MED17: variants seen among roughly 807,000 people sequenced by gnomAD.
MED17 encodes the protein mediator of RNA polymerase II transcription subunit 17.
MED17 carries 49 observed loss-of-function variants against 80.8 expected under a neutral mutation model. The observed-to-expected ratio is 0.61, with a 90% confidence interval of 0.48 to 0.77. The LOEUF is 0.77. Ranked by LOEUF, MED17 falls within the 30% of genes least tolerant of loss-of-function variation. The pLI is 0.00. For missense variants in MED17, 718 were observed against 787.0 expected (o/e 0.91, Z 1.05); for synonymous variants, 281 against 280.4 (o/e 1.00, Z -0.02).
At chr11:93,797,297 G>T (rs1286234459) in intron 7 of MED17, 1 of 499,934 alleles carries the variant, frequency 2.0e-6, no homozygotes, top group South Asian at 2.3e-5. Context: ...GGATGTCGGC[G>T]CATTACCCAT....
Position 93,784,567 on chromosome 11 carries a change from G to T in MED17, c.54G>T (p.Gln18His), listed in dbSNP as rs1320047535. The T allele has an allele frequency of 2.5e-6, 4 of 1,612,378 alleles. No individual in the cohort carries two copies. Among genetic ancestry groups the T allele is most frequent in the Non-Finnish European group, 3.4e-6 (4 of 1,179,850 alleles). The change falls in exon 1 of 12, where the codon CAG becomes CAT. Residue 18 changes from glutamine (Q) to histidine (H), a missense_variant. By Grantham distance (24) the Gln-to-His change is conservative (BLOSUM62 0). Coordinates refer to ENST00000251871, the MANE Select transcript of MED17 (RefSeq NM_004268.5). ...GCATCGAATCGGCCTGCGAGAAGCAGGTCCATGAGGTGGGCCTGGATGGCA... is the reference window on the plus strand; with the variant it reads ...GCATCGAATCGGCCTGCGAGAAGCATGTCCATGAGGTGGGCCTGGATGGCA... ...RISIESACEK[Q>H]VHEVGLDGTE...
chr11:93,796,004 A>G (rs1046774804), intron 6 of MED17: 8 of 207,446 alleles, frequency 3.9e-5, no homozygotes, highest in South Asian at 7.9e-5. Context: ...CTGGAGTGCA[A>G]TGGCGTGATC....
intron 9 of MED17, among the ~76,000 whole-genome samples, chr11:93,802,298 C>G (rs1019828692): frequency 6.6e-6 from 1 of 152,078 alleles, no homozygotes; most frequent in Non-Finnish European, 1.5e-5. Context: ...AGAAACATGT[C>G]TATGTTGCCC....
intron 9 of MED17, among the ~76,000 whole-genome samples, chr11:93,803,999 G>GTATATATA (rs1166820708): frequency 0.022 from 595 of 26,600 alleles, 4 homozygotes; most frequent in Middle Eastern, 0.037. Context: ...ATATGTGTGT[G>GTATATATA]TATATATATA....
At position 93,812,597 on chromosome 11, in the gene MED17, C is replaced by G. The variant is rs1591393118; in HGVS notation, c.*533C>G. On this transcript the variant is annotated 3_prime_UTR_variant, in exon 12 of 12. Transcript: ENST00000251871. Reference sequence around the variant, plus strand: ...GGGACCACAGGCATGCACAACCACGCCTGGCTAATTTTTGTATTTTTTATA... The same window carrying G: ...GGGACCACAGGCATGCACAACCACGGCTGGCTAATTTTTGTATTTTTTATA... 6.2e-6 allele frequency: 1 copy of G among 160,040 alleles called. No individual in the cohort carries two copies. Among genetic ancestry groups the G allele is most frequent in the Non-Finnish European group, 1.4e-5 (1 of 73,488 alleles). 9.9% of individuals were successfully genotyped at this position (160,040 alleles called of 1,614,324 possible).
rs934921370 is a variant in MED17 at position 93,784,316 on chromosome 11, T to A, written c.-198T>A. On this transcript the variant is annotated 5_prime_UTR_variant, in exon 1 of 12. In the 5' UTR this introduces an upstream ATG that the reference lacks. Coordinates refer to ENST00000251871, the MANE Select transcript of MED17 (RefSeq NM_004268.5). Reference sequence around the variant, plus strand: ...CCGAAAGACTTACCGAGGAGGGAGCTTGCGGTGCGTTCTGGGAAAGTTGCT... The same window carrying A: ...CCGAAAGACTTACCGAGGAGGGAGCATGCGGTGCGTTCTGGGAAAGTTGCT... 1 of 687,668 alleles carries A rather than the reference T, an allele frequency of 1.5e-6. No homozygotes were observed. Among genetic ancestry groups the A allele is most frequent in the Admixed American group, 3.2e-5 (1 of 31,620 alleles). The allele number at this position is 687,668 out of a possible 1,614,324, so 42.6% of individuals were successfully genotyped here.
intron 3 of MED17, 43 bp from the exon 4 acceptor site, chr11:93,793,685 A>T: frequency 7.4e-7 from 1 of 1,353,006 alleles, no homozygotes; most frequent in Non-Finnish European, 1.1e-6. Flanking sequence ...TCGGAATAAT[A>T]TGTTAACTGT....
Position 93,784,394 on chromosome 11 carries a change from C to T in MED17, c.-120C>T. On this transcript the variant is annotated 5_prime_UTR_variant, in exon 1 of 12. Transcript: ENST00000251871. ...GCGTTGCGTTCGGTTTCCCGAGGGT[C>T]TTCTGAGGCACCGCGGCTGCGGGCT... The T allele has an allele frequency of 1.5e-6, 2 of 1,330,646 alleles. No homozygotes were observed. The highest frequency in any genetic ancestry group is 2.0e-6 in the Non-Finnish European group (2 of 994,454). 82.4% of individuals were successfully genotyped at this position (1,330,646 alleles called of 1,614,324 possible). A position where few individuals can be genotyped will look rare whatever the true frequency, so the allele number is the denominator to read the frequency against.
rs1565286747 is a variant in MED17, at chr11:93,784,566, A to T, written c.53A>T (p.Gln18Leu). The T allele has an allele frequency of 4.3e-6, 7 of 1,612,408 alleles. No individual in the cohort carries two copies. The highest frequency in any genetic ancestry group is 5.9e-6 in the Non-Finnish European group (7 of 1,179,796). Reference protein sequence around the residue: ...RISIESACEKQVHEVGLDGTE... With the variant: ...RISIESACEKLVHEVGLDGTE... ...AGCATCGAATCGGCCTGCGAGAAGC[A>T]GGTCCATGAGGTGGGCCTGGATGGC... The change falls in exon 1 of 12, where the codon CAG (glutamine) becomes CTG (leucine). Residue 18 changes from glutamine (Q) to leucine (L), a missense_variant. Physicochemically the swap from Gln to Leu is moderately radical, Grantham distance 113. Coordinates refer to ENST00000251871, the MANE Select transcript of MED17 (RefSeq NM_004268.5).
At chr11:93,784,862 G>T in intron 1 of MED17, 99 bp downstream of exon 1, 3 of 1,462,376 alleles carry the variant, frequency 2.1e-6, no homozygotes. Flanking sequence ...GTGCGTGCGA[G>T]AACTTTTGAG....
chr11:93,797,455 T>C, intron 7 of MED17, 80 bp from the exon 8 acceptor site: 1 of 1,352,864 alleles, frequency 7.4e-7, no homozygotes, highest in Non-Finnish European at 1.1e-6. Flanking sequence ...TTTCAGTGTT[T>C]CTGTCAACCA....
chr11:93,805,801 T>G (rs1414129685), intron 9 of MED17, among the ~76,000 whole-genome samples: 1 of 151,970 alleles, frequency 6.6e-6, no homozygotes, highest in African/African-American at 2.4e-5. Context: ...CTTTAGTACA[T>G]CAAAATTACA....
In MED17 at chr11:93,812,331, TA is replaced by T; in HGVS notation, c.*269del. 1.9e-6 allele frequency: 1 copy of T among 537,836 alleles called. No homozygotes were observed. The highest frequency in any genetic ancestry group is 3.1e-5 in the South Asian group (1 of 32,438). The allele number at this position is 537,836 out of a possible 1,614,324, so 33.3% of individuals were successfully genotyped here. A position where few individuals can be genotyped will look rare whatever the true frequency, so the allele number is the denominator to read the frequency against. ...CATGCAGTTTAAAATATTACTAACT[TA>T]AGGGTTTCTATGTGCTTTTTAAAAT... On this transcript the variant is annotated 3_prime_UTR_variant, in exon 12 of 12. Coordinates refer to ENST00000251871, the MANE Select transcript of MED17 (RefSeq NM_004268.5).
At chr11:93,797,014 G>A (rs76919367) in intron 7 of MED17, 3,475 of 208,630 alleles carry the variant, frequency 0.017, 125 homozygotes, top group African/African-American at 0.074. Flanking sequence ...CCAAAACCTG[G>A]TTCAGTTGAT....
At chr11:93,796,624 G>A in intron 7 of MED17, 84 bp downstream of exon 7, 2 of 1,471,700 alleles carry the variant, frequency 1.4e-6, no homozygotes, top group South Asian at 1.1e-5. Flanking sequence ...CGTCTGCTGA[G>A]TCTTGATTAT....
At position 93,788,129 on chromosome 11, in the gene MED17, C is replaced by G. The variant is rs781403978; in HGVS notation, c.379C>G (p.Leu127Val). The change falls in exon 2 of 12, where the codon CTT (leucine) becomes GTT (valine). Residue 127 changes from leucine (L) to valine (V), a missense_variant. Coordinates refer to ENST00000251871, the MANE Select transcript of MED17 (RefSeq NM_004268.5). Reference sequence around the variant, plus strand: ...TGTTAGGGATAAAAAATTTATGACTCTTGATCCTGTCTCTCAGGATGCACT... The same window carrying G: ...TGTTAGGGATAAAAAATTTATGACTGTTGATCCTGTCTCTCAGGATGCACT... ...SIVRDKKFMT[L>V]DPVSQDALPP... The G allele has an allele frequency of 6.2e-7, 1 of 1,613,504 alleles. No homozygotes were observed. The highest frequency in any genetic ancestry group is 8.5e-7 in the Non-Finnish European group (1 of 1,179,518).
intron 9 of MED17, among the ~76,000 whole-genome samples, chr11:93,804,022 TATATACAC>T (rs1342168736): frequency 0.015 from 185 of 12,432 alleles, 2 homozygotes; most frequent in East Asian, 0.045. Flanking sequence ...TATATATATA[TATATACAC>T]ACACACATAT....
chr11:93,809,465 T>C (rs1285082633), intron 10 of MED17: 9 of 531,788 alleles, frequency 1.7e-5, no homozygotes, highest in Non-Finnish European at 3.1e-5. Context: ...TGGCCAAATT[T>C]ATGTCATATG....
intron 6 of MED17, 121 bp downstream of exon 6, chr11:93,795,181 C>A (rs1943887053): frequency 9.2e-7 from 1 of 1,085,174 alleles, no homozygotes; most frequent in African/African-American, 1.5e-5. Flanking sequence ...AGTGTGCTAT[C>A]CATAGTGACA....
Sources: gnomAD v4.1 joint callset for allele counts (sites outside exome capture counted in the v4.1 genomes callset) on GRCh38, gnomAD v4.1.1 for gene constraint, MANE v1.5 for transcripts, NCBI Gene and HGNC (gene_info 2026-07-23, HGNC 2026-07-21) for gene names.